PPFIBP1: variants seen among roughly 807,000 people sequenced by gnomAD.
PPFIBP1 encodes the protein liprin-beta-1.
In PPFIBP1, 112 loss-of-function variants were observed where a neutral mutation model predicts 137.8. The observed-to-expected ratio is 0.81, with a 90% CI of 0.70 to 0.95. The LOEUF is 0.95. PPFIBP1 is among the 40% of genes least tolerant of loss of function. The pLI is 0.00. For synonymous variants in PPFIBP1, 378 were observed against 417.3 expected, an observed-to-expected ratio of 0.91 and a Z score of 1.15; for missense variants, 1,083 against 1,196.6, an observed-to-expected ratio of 0.91 and a Z score of 1.40.
chr12:27,606,911 A>G (rs1369480708), intron 2 of PPFIBP1, among the ~76,000 whole-genome samples: 1 of 152,224 alleles, frequency 6.6e-6, no homozygotes, highest in Admixed American at 6.5e-5. Flanking sequence ...CGTACTTGCT[A>G]TCAAGATGAA....
chr12:27,530,085 C>A (rs1944246078), intron 1 of PPFIBP1, among the ~76,000 whole-genome samples: 1 of 152,170 alleles, frequency 6.6e-6, no homozygotes, highest in Non-Finnish European at 1.5e-5. Flanking sequence ...CTGTGGTCTA[C>A]TTTTTTCATC....
Position 27,659,632 on chromosome 12 carries a change from G to A in PPFIBP1, c.844+784G>A, listed in dbSNP as rs966216464. On this transcript the variant is annotated intron_variant, in intron 10 of 29. Transcript: ENST00000228425. ...GCTATGATCTTGCCATTGTACCACG[G>A]CCTGGGCAACACTGACACCCCATCT... is the stretch of plus-strand genomic sequence containing the variant. Among the ~76,000 whole-genome samples, 12 of 147,290 alleles carry A rather than the reference G, an allele frequency of 8.1e-5. No homozygotes were observed. In the Admixed American group the frequency reaches 8.3e-4, roughly 10 times the overall value.
chr12:27,680,161 T>C, intron 21 of PPFIBP1, 100 bp downstream of exon 21: 2 of 1,451,774 alleles, frequency 1.4e-6, no homozygotes, highest in South Asian at 2.7e-5. Context: ...ACAAAGTCAT[T>C]GCTTAATGCT....
intron 2 of PPFIBP1, among the ~76,000 whole-genome samples, chr12:27,588,345 A>G (rs2052043379): frequency 6.6e-6 from 1 of 152,176 alleles, no homozygotes; most frequent in Non-Finnish European, 1.5e-5. Flanking sequence ...TTTATGATTC[A>G]TCTATTATGA....
At chr12:27,564,725 C>T (rs549635085) in intron 1 of PPFIBP1, among the ~76,000 whole-genome samples, 124 of 152,300 alleles carry the variant, frequency 8.1e-4, no homozygotes, top group South Asian at 2.1e-3. Context: ...AAAACTTTCT[C>T]ATCTTGCTTT....
chr12:27,600,094 G>A (rs2053797505), intron 2 of PPFIBP1, among the ~76,000 whole-genome samples: 1 of 152,108 alleles, frequency 6.6e-6, no homozygotes, highest in South Asian at 2.1e-4. Context: ...TGCATACCCT[G>A]TACTATGTTT....
At chr12:27,624,047 C>T (rs1018454648) in intron 2 of PPFIBP1, among the ~76,000 whole-genome samples, 1 of 152,038 alleles carries the variant, frequency 6.6e-6, no homozygotes, top group Non-Finnish European at 1.5e-5. Flanking sequence ...GCATGACCCA[C>T]CTTGAAAAAC....
rs185279010 is a variant in PPFIBP1, at chr12:27,624,974, A to G, written c.-35-8388A>G. On this transcript the variant is annotated intron_variant, in intron 2 of 29. Coordinates refer to ENST00000228425, the MANE Select transcript of PPFIBP1 (RefSeq NM_003622.4). ...TGGAAAGCTTCAAATATATAAAAAT[A>G]TAGATAGGATACCCAACTGGGTGCA... 6.6e-5 allele frequency among the ~76,000 whole-genome samples: 10 copies of G among 152,344 alleles called. No individual in the cohort carries two copies. The East Asian group carries it at 1.7e-3, about 26-fold the overall frequency.
intron 27 of PPFIBP1, among the ~76,000 whole-genome samples, chr12:27,690,404 C>T (rs1301818159): frequency 6.6e-6 from 1 of 152,192 alleles, no homozygotes; most frequent in Non-Finnish European, 1.5e-5. Flanking sequence ...GAGCATCAGA[C>T]TTTTAATCTG....
At chr12:27,672,302 C>G in intron 14 of PPFIBP1, 125 bp from the exon 15 acceptor site, 1 of 723,368 alleles carries the variant, frequency 1.4e-6, no homozygotes, top group Non-Finnish European at 2.3e-6. Flanking sequence ...TAAAATAGGA[C>G]ATTTAAAAAA....
At position 27,679,926 on chromosome 12, in the gene PPFIBP1, T is replaced by C; in HGVS notation, c.1767-7T>C. 1.2e-6 allele frequency: 2 copies of C among 1,614,092 alleles called. No individual in the cohort carries two copies. The highest frequency in any genetic ancestry group is 1.7e-4 in the Middle Eastern group (1 of 6,050). On this transcript the variant is annotated splice_polypyrimidine_tract_variant and splice_region_variant and intron_variant, in intron 20 of 29. Coordinates refer to ENST00000228425, the MANE Select transcript of PPFIBP1 (RefSeq NM_003622.4). ...CTAATACTGGCCATGTGTGTTGTCTTCTTTAGACTTAGGAGAAGTCAATCA... is the reference window on the plus strand; with the variant it reads ...CTAATACTGGCCATGTGTGTTGTCTCCTTTAGACTTAGGAGAAGTCAATCA...
chr12:27,581,154 C>T lies in PPFIBP1; in HGVS notation c.-36+2915C>T, dbSNP rs762773728. ...AAGTGATCTTCTCACCTTGGCCTCC[C>T]ACAGTGCTGAGATTATAAGCGTGAG... On this transcript the variant is annotated intron_variant, in intron 2 of 29. Transcript: ENST00000228425. 1.3e-5 allele frequency among the ~76,000 whole-genome samples: 2 copies of T among 152,184 alleles called. 1 individual carries two copies. The highest frequency in any genetic ancestry group is 2.9e-5 in the Non-Finnish European group (2 of 68,034).
intron 1 of PPFIBP1, among the ~76,000 whole-genome samples, chr12:27,544,529 T>C (rs1946017781): frequency 6.7e-6 from 1 of 150,202 alleles, no homozygotes; most frequent in Admixed American, 6.6e-5. Flanking sequence ...TACAAAGAAC[T>C]TCAACAAATT....
intron 7 of PPFIBP1, among the ~76,000 whole-genome samples, chr12:27,653,662 T>C (rs1237746501): frequency 6.6e-6 from 1 of 151,794 alleles, no homozygotes; most frequent in East Asian, 1.9e-4. Context: ...TCTTTGTGGC[T>C]TGTAGTAAAA....
chr12:27,525,731 G>A (rs1254570553), intron 1 of PPFIBP1, among the ~76,000 whole-genome samples: 2 of 152,078 alleles, frequency 1.3e-5, no homozygotes, highest in African/African-American at 4.8e-5. Flanking sequence ...ACAACAGTAG[G>A]TCTAGTAAAC....
chr12:27,598,538 CTGTGTGTGTGTG>C (rs71039825), intron 2 of PPFIBP1, among the ~76,000 whole-genome samples: 46,861 of 150,694 alleles, frequency 0.31, 7,425 homozygotes, highest in Middle Eastern at 0.35. Context: ...TCTCTATAAT[CTGTGTGTGTGTG>C]TGTGTGTGTG....
At chr12:27,562,213 T>C (rs1207870162) in intron 1 of PPFIBP1, among the ~76,000 whole-genome samples, 1 of 152,154 alleles carries the variant, frequency 6.6e-6, no homozygotes, top group Non-Finnish European at 1.5e-5. Flanking sequence ...TTTATTGCTA[T>C]ATCCTCAGCA....
At chr12:27,599,480 G>T (rs769257949) in intron 2 of PPFIBP1, 1 of 455,692 alleles carries the variant, frequency 2.2e-6, no homozygotes, top group African/African-American at 2.0e-5. Flanking sequence ...ACATAAATGC[G>T]TGAGCCAATT....
chr12:27,653,216 T>G (rs1565945821), intron 7 of PPFIBP1, among the ~76,000 whole-genome samples: 1 of 152,194 alleles, frequency 6.6e-6, no homozygotes, highest in Non-Finnish European at 1.5e-5. Flanking sequence ...CTACTTGTAA[T>G]TTTTGGCATT....
Sources: allele counts gnomAD v4.1 joint callset (sites outside exome capture counted in the v4.1 genomes callset), GRCh38; gene constraint gnomAD v4.1.1; transcripts MANE v1.5; gene names NCBI Gene and HGNC (gene_info 2026-07-23, HGNC 2026-07-21).